FOXJ3: variants seen among roughly 807,000 people sequenced by gnomAD.
The protein encoded by FOXJ3 is forkhead box protein J3.
Under a neutral mutation model 76.1 loss-of-function variants are expected in FOXJ3, and 22 were observed. The observed-to-expected ratio is 0.29, with a 90% confidence interval of 0.21 to 0.41. FOXJ3 has a LOEUF of 0.41. Ranked by LOEUF, FOXJ3 falls within the 10% of genes least tolerant of loss-of-function variation. The probability of loss-of-function intolerance (pLI) is 1.00; values close to 1 mark genes in which losing one functional copy is unlikely to be tolerated. For synonymous variants in FOXJ3, 269 were observed against 261.2 expected, an observed-to-expected ratio of 1.03 and a Z score of -0.29; for missense variants, 613 against 762.1, an observed-to-expected ratio of 0.80 and a Z score of 2.30.
At chr1:42,213,709 T>C (rs575775514) in intron 5 of FOXJ3, among the ~76,000 whole-genome samples, 3 of 152,086 alleles carry the variant, frequency 2.0e-5, no homozygotes, top group African/African-American at 7.2e-5. Context: ...CAGCCACAGA[T>C]AGAAAATACT....
At chr1:42,206,149 C>T (rs937694524) in intron 5 of FOXJ3, 1 of 339,688 alleles carries the variant, frequency 2.9e-6, no homozygotes. Flanking sequence ...TAATGATCCC[C>T]TAATATCCAT....
intron 4 of FOXJ3, among the ~76,000 whole-genome samples, chr1:42,243,792 C>A (rs1018482973): frequency 6.6e-6 from 1 of 152,106 alleles, no homozygotes; most frequent in Admixed American, 6.5e-5. Flanking sequence ...CAAAGAAACA[C>A]TGGATTTAAA....
rs558546213 is a variant in FOXJ3 at position 42,292,307 on chromosome 1, A to AT, written c.45-13636dup. Among the ~76,000 whole-genome samples, 13 of 152,358 alleles carry AT rather than the reference A, an allele frequency of 8.5e-5. No individual in the cohort carries two copies. The East Asian group carries it at 2.5e-3, about 29-fold the overall frequency. On this transcript the variant is annotated intron_variant, in intron 2 of 12. Transcript: ENST00000361346. The stretch of plus-strand genomic sequence containing the variant: ...ACTGCTGGTGGGAGTTTAAAAAGGC[A>AT]TAACTGCTTTAAGGACAACGGCTTG...
At chr1:42,298,689 G>C (rs1173759497) in intron 2 of FOXJ3, among the ~76,000 whole-genome samples, 1 of 151,478 alleles carries the variant, frequency 6.6e-6, no homozygotes. Flanking sequence ...CTTTTCTTCT[G>C]CTAGCTTTTT....
intron 2 of FOXJ3, among the ~76,000 whole-genome samples, chr1:42,305,724 G>A (rs534773996): frequency 2.6e-4 from 40 of 152,282 alleles, no homozygotes; most frequent in African/African-American, 9.4e-4. Flanking sequence ...AAGGGTAAGC[G>A]GGGTATCAGG....
At chr1:42,263,722 C>A (rs1230208280) in intron 4 of FOXJ3, among the ~76,000 whole-genome samples, 2 of 151,988 alleles carry the variant, frequency 1.3e-5, no homozygotes, top group Non-Finnish European at 2.9e-5. Flanking sequence ...TCATCTCTAA[C>A]TTCAAGAAGT....
chr1:42,320,852 T>C lies in FOXJ3; in HGVS notation c.-17-9742A>G, dbSNP rs556757452. On this transcript the variant is annotated intron_variant, in intron 1 of 12. Transcript: ENST00000361346. ...GAGGCTTTAAATTTGAGCTCAGTTA[T>C]ATTTAGAAAACCAAGACGCCACTTC... is the stretch of plus-strand genomic sequence containing the variant. Among the ~76,000 whole-genome samples, 467 of 152,320 alleles carry C rather than the reference T, an allele frequency of 3.1e-3. 4 individuals are homozygous for C. Among genetic ancestry groups the C allele is most frequent in the African/African-American group, 0.011 (448 of 41,576 alleles).
At chr1:42,268,396 T>C (rs1438031212) in intron 3 of FOXJ3, among the ~76,000 whole-genome samples, 1 of 151,678 alleles carries the variant, frequency 6.6e-6, no homozygotes, top group African/African-American at 2.4e-5. Flanking sequence ...GCTGAAAAAA[T>C]TCATTTCGGC....
chr1:42,255,692 G>T (rs1650530051), intron 4 of FOXJ3, among the ~76,000 whole-genome samples: 2 of 152,146 alleles, frequency 1.3e-5, no homozygotes, highest in Non-Finnish European at 2.9e-5. Flanking sequence ...GGCTAAATTA[G>T]TATCAGACAA....
rs114154250 is a variant in FOXJ3 at position 42,203,536 on chromosome 1, G to A, written c.630+2226C>T. Among the ~76,000 whole-genome samples, 628 of 152,244 alleles carry A rather than the reference G, an allele frequency of 4.1e-3. 3 individuals are homozygous for A. The highest frequency in any genetic ancestry group is 0.014 in the African/African-American group (585 of 41,558). On this transcript the variant is annotated intron_variant, in intron 6 of 12. Coordinates refer to ENST00000361346, the MANE Select transcript of FOXJ3 (RefSeq NM_014947.5). ...TCTCAGATATCAAGTTGAAAGCCTAGGGTGTATTACCATGGCTCTCTCCTC... is the reference window on the plus strand; with the variant it reads ...TCTCAGATATCAAGTTGAAAGCCTAAGGTGTATTACCATGGCTCTCTCCTC...
chr1:42,209,471 G>C (rs1426274534), intron 5 of FOXJ3, among the ~76,000 whole-genome samples: 1 of 152,176 alleles, frequency 6.6e-6, no homozygotes, highest in Non-Finnish European at 1.5e-5. Context: ...GCGGGCAGCA[G>C]CCTACACCAT....
At chr1:42,199,633 AAG>A (rs1469608633) in intron 6 of FOXJ3, among the ~76,000 whole-genome samples, 1 of 152,088 alleles carries the variant, frequency 6.6e-6, no homozygotes, top group African/African-American at 2.4e-5. Flanking sequence ...TAAAAAAAAA[AAG>A]ATTTTTTTTT....
In FOXJ3 at chr1:42,265,179, C is replaced by A; in HGVS notation, c.380G>T (p.Arg127Leu). 6.4e-7 allele frequency: 1 copy of A among 1,574,170 alleles called. No homozygotes were observed. Among genetic ancestry groups the A allele is most frequent in the Non-Finnish European group, 8.7e-7 (1 of 1,155,514 alleles). The stretch of plus-strand genomic sequence containing the variant: ...ACATTTGTTCAATGACAGATTATGT[C>A]GTATGGAATTCTGGAATTAAAGAAG... The part of the protein sequence containing the change: ...EAGSGWKNSI[R>L]HNLSLNKCFL... Residue 127 changes from arginine to leucine, a missense_variant, in exon 4 of 13, where the codon CGA becomes CTA. By Grantham distance (102) the Arg-to-Leu change is moderately radical (BLOSUM62 -2). Transcript: ENST00000361346.
chr1:42,331,055 G>A (rs1656128166), intron 1 of FOXJ3, among the ~76,000 whole-genome samples: 1 of 152,184 alleles, frequency 6.6e-6, no homozygotes, highest in South Asian at 2.1e-4. Context: ...GCAGGGTGAA[G>A]ATTCAATGAA....
chr1:42,224,741 T>A (rs888287597), intron 5 of FOXJ3, among the ~76,000 whole-genome samples: 1 of 152,128 alleles, frequency 6.6e-6, no homozygotes, highest in Non-Finnish European at 1.5e-5. Context: ...GTTTAAGACA[T>A]AAAGATGCTC....
chr1:42,216,407 A>AC (rs1647068214), intron 5 of FOXJ3, among the ~76,000 whole-genome samples: 1 of 151,390 alleles, frequency 6.6e-6, no homozygotes, highest in Non-Finnish European at 1.5e-5. Context: ...AGTCCCAGCT[A>AC]CTCGGGAGGC....
At chr1:42,280,818 T>G (rs1475737209) in intron 2 of FOXJ3, among the ~76,000 whole-genome samples, 1 of 152,188 alleles carries the variant, frequency 6.6e-6, no homozygotes, top group Non-Finnish European at 1.5e-5. Context: ...GTAATAAGTA[T>G]TCAACAAATG....
rs116804679 is a variant in FOXJ3, at chr1:42,260,429, G to A, written c.444+4686C>T. On this transcript the variant is annotated intron_variant, in intron 4 of 12. Transcript: ENST00000361346. ...AAAAAATTCATAATTTGTGAGACGT[G>A]GTGGCTCACACCTCTAATCTCAACA... is the stretch of plus-strand genomic sequence containing the variant. Among the ~76,000 whole-genome samples, 1,081 of 152,200 alleles carry A rather than the reference G, an allele frequency of 7.1e-3. 21 individuals are homozygous for A. The highest frequency in any genetic ancestry group is 0.025 in the African/African-American group (1,044 of 41,508).
At chr1:42,333,055 C>T (rs1021110627) in intron 1 of FOXJ3, among the ~76,000 whole-genome samples, 5 of 152,000 alleles carry the variant, frequency 3.3e-5, no homozygotes, top group Non-Finnish European at 7.4e-5. Flanking sequence ...TAACTCGGTA[C>T]TTTACAGAAG....
Sources: allele counts gnomAD v4.1 joint callset (sites outside exome capture counted in the v4.1 genomes callset), GRCh38; gene constraint gnomAD v4.1.1; transcripts MANE v1.5; gene names NCBI Gene and HGNC (gene_info 2026-07-23, HGNC 2026-07-21).